Variants in DYNC2H1 observed in about 807,000 individuals in gnomAD.
DYNC2H1 encodes the protein dynein cytoplasmic 2 heavy chain 1.
In DYNC2H1, 410 loss-of-function variants were observed where a neutral mutation model predicts 570.0. The observed-to-expected ratio is 0.72, with a 90% confidence interval of 0.66 to 0.78. The LOEUF is 0.78. DYNC2H1 is among the 30% of genes least tolerant of loss of function. The pLI, the probability that DYNC2H1 is intolerant of heterozygous loss-of-function variation, is 0.00. For synonymous variants in DYNC2H1, 1,688 were observed against 1,677.6 expected, an observed-to-expected ratio of 1.01 and a Z score of -0.15; for missense variants, 4,865 against 5,046.4, an observed-to-expected ratio of 0.96 and a Z score of 1.09.
intron 82 of DYNC2H1, among the ~76,000 whole-genome samples, chr11:103,343,617 A>G (rs909384523): frequency 2.0e-5 from 3 of 152,176 alleles, no homozygotes; most frequent in Non-Finnish European, 1.5e-5. Context: ...TCCTATTCAT[A>G]TGACGAGAAG....
At chr11:103,172,432 C>T (rs568705236) in intron 34 of DYNC2H1, among the ~76,000 whole-genome samples, 50 of 152,186 alleles carry the variant, frequency 3.3e-4, no homozygotes, top group African/African-American at 1.2e-3. Context: ...AAAACATAAA[C>T]AAACCTTCCC....
In DYNC2H1 at chr11:103,179,299, A is replaced by G. The variant is rs632672; in HGVS notation, c.6347+66A>G. ...CTTTTACTGTCCTGGTTTCATATTA[A>G]GTAAAATAAGTGTAGTGTGAATAAT... On this transcript the variant is annotated intron_variant, in intron 39 of 88. Transcript: ENST00000375735. 0.73 allele frequency: 1,045,446 copies of G among 1,439,786 alleles called. 381,372 individuals carry two copies. Among genetic ancestry groups the G allele is most frequent in the Admixed American group, 0.8 (43,235 of 54,304 alleles). The allele number at this position is 1,439,786 out of a possible 1,614,324, so 89.2% of individuals were successfully genotyped here.
In DYNC2H1 at chr11:103,184,890, C is replaced by T. The variant is rs114254215; in HGVS notation, c.6478-6C>T. 3,176 of 1,609,222 alleles carry T rather than the reference C, an allele frequency of 2.0e-3. 48 individuals are homozygous for T. In the African/African-American group the frequency reaches 0.037, roughly 19 times the overall value. ...GTCTGTTTGTATCACGGATTTTAAT[C>T]AACAGAATGACTATGTGGTAGAAAC... On this transcript the variant is annotated splice_region_variant and splice_polypyrimidine_tract_variant and intron_variant, in intron 40 of 88. Transcript: ENST00000375735.
chr11:103,219,665 T>C (rs1367478387), intron 55 of DYNC2H1, among the ~76,000 whole-genome samples: 2 of 152,172 alleles, frequency 1.3e-5, no homozygotes, highest in East Asian at 1.9e-4. Flanking sequence ...TTAAATTTTA[T>C]ATAAAAAGCA....
Position 103,400,828 on chromosome 11 carries a change from G to T in DYNC2H1, c.12366+956G>T, listed in dbSNP as rs78216723. Among the ~76,000 whole-genome samples the T allele has an allele frequency of 2.6e-5, 4 of 152,162 alleles. No homozygotes were observed. The East Asian group carries it at 7.7e-4, about 29-fold the overall frequency. On this transcript the variant is annotated intron_variant, in intron 84 of 88. Coordinates refer to ENST00000375735, the MANE Select transcript of DYNC2H1 (RefSeq NM_001377.3). ...AGTGCTTTTCTACATATACAGAAAG[G>T]TCTACTCTGGCATCCTTGTCTTCTT...
At chr11:103,412,749 C>CT (rs1185291267) in intron 84 of DYNC2H1, among the ~76,000 whole-genome samples, 1 of 152,160 alleles carries the variant, frequency 6.6e-6, no homozygotes, top group Non-Finnish European at 1.5e-5. Flanking sequence ...TTTTTGATCA[C>CT]TGACCACCTT....
intron 82 of DYNC2H1, among the ~76,000 whole-genome samples, chr11:103,343,309 G>C (rs1314268194): frequency 6.6e-6 from 1 of 152,058 alleles, no homozygotes; most frequent in East Asian, 1.9e-4. Flanking sequence ...GGGTCCTAAC[G>C]CCTGTCAGAC....
At chr11:103,468,831 A>G in intron 88 of DYNC2H1, 126 bp downstream of exon 88, 1 of 660,382 alleles carries the variant, frequency 1.5e-6, no homozygotes, top group Non-Finnish European at 2.5e-6. Flanking sequence ...CATTTGAACA[A>G]ATTTGCAGTC....
chr11:103,213,601 A>G (rs1371078950), intron 54 of DYNC2H1, among the ~76,000 whole-genome samples: 1 of 144,988 alleles, frequency 6.9e-6, no homozygotes, highest in African/African-American at 2.5e-5. Context: ...ATTTTTTCAT[A>G]TACCGTTGGC....
In DYNC2H1 at chr11:103,303,243, G is replaced by A; in HGVS notation, c.11246G>A (p.Cys3749Tyr). ...GCTAATGCTGAAAGAAGCGGAGAGT[G>A]TTATCACCAGGTAAGTACATATTGT... Reference protein sequence around the residue: ...ELANAERSGECYHQVAMGQGQ... With the variant: ...ELANAERSGEYYHQVAMGQGQ... The change falls in exon 76 of 89, where the codon TGT becomes TAT. Residue 3749 changes from cysteine to tyrosine, a missense_variant. Around this residue, in one of 5 missense-constraint regions of DYNC2H1, gnomAD observed 2,401 missense variants for 2,454.6 expected, o/e 0.98. Transcript: ENST00000375735. 6.2e-7 allele frequency: 1 copy of A among 1,611,848 alleles called. No individual in the cohort carries two copies. The highest frequency in any genetic ancestry group is 1.3e-5 in the African/African-American group (1 of 74,930).
chr11:103,464,039 G>T (rs1217602807), intron 87 of DYNC2H1, among the ~76,000 whole-genome samples: 2 of 151,890 alleles, frequency 1.3e-5, no homozygotes, highest in Non-Finnish European at 2.9e-5. Flanking sequence ...AAAATCCAAA[G>T]TAAATGGGAA....
chr11:103,170,973 G>C lies in DYNC2H1; in HGVS notation c.5239G>C (p.Glu1747Gln). 2 of 1,609,976 alleles carry C rather than the reference G, an allele frequency of 1.2e-6. No individual in the cohort carries two copies. The highest frequency in any genetic ancestry group is 1.7e-6 in the Non-Finnish European group (2 of 1,177,478). Residue 1747 changes from glutamate (E) to glutamine (Q), a missense_variant, in exon 34 of 89, where the codon GAA (glutamate) becomes CAA (glutamine). By Grantham distance (29) the Glu-to-Gln change is conservative (BLOSUM62 2). Around this residue, in one of 5 missense-constraint regions of DYNC2H1, gnomAD observed 292 missense variants for 300.2 expected, o/e 0.97. Transcript: ENST00000375735. This position sits in a 1 kb window ranked among gnomAD's most constrained non-coding sequence, Gnocchi z 4.8. ...TTGTTTTGATGAATTTAATAGGCTG[G>C]AAGAATCTGTACTGTCAGCAGTTTC... is the stretch of plus-strand genomic sequence containing the variant. The part of the protein sequence containing the change: ...WGCFDEFNRL[E>Q]ESVLSAVSMQ...
chr11:103,315,950 CTTATT>C (rs1011316806), intron 79 of DYNC2H1, among the ~76,000 whole-genome samples: 1 of 151,846 alleles, frequency 6.6e-6, no homozygotes, highest in African/African-American at 2.4e-5. Context: ...TTAATTTGAA[CTTATT>C]TTATTACTTA....
rs932993254 is a variant in DYNC2H1 at position 103,158,922 on chromosome 11, G to A, written c.4273G>A (p.Ala1425Thr). The stretch of plus-strand genomic sequence containing the variant: ...CTATTTTTATTAGGAAAAACGCTCA[G>A]CATTCCCAAGATTTTATTTTATTGG... ...LNEFLEEKRS[A>T]FPRFYFIGDD... Residue 1425 changes from alanine (A) to threonine (T), a missense_variant, in exon 28 of 89, where the codon GCA becomes ACA. By Grantham distance (58) the Ala-to-Thr change is moderately conservative. Around this residue, in one of 5 missense-constraint regions of DYNC2H1, gnomAD observed 1,936 missense variants for 1,962.1 expected, o/e 0.99. Transcript: ENST00000375735. The A allele has an allele frequency of 6.2e-7, 1 of 1,608,904 alleles. No homozygotes were observed. Among genetic ancestry groups the A allele is most frequent in the East Asian group, 2.2e-5 (1 of 44,798 alleles).
At chr11:103,169,306 A>G (rs1861470695) in intron 32 of DYNC2H1, among the ~76,000 whole-genome samples, 1 of 152,138 alleles carries the variant, frequency 6.6e-6, no homozygotes, top group Non-Finnish European at 1.5e-5. Context: ...TCCTTATACA[A>G]GGCAAAAATT....
intron 28 of DYNC2H1, among the ~76,000 whole-genome samples, chr11:103,160,076 G>T (rs1861023366): frequency 6.6e-6 from 1 of 152,028 alleles, no homozygotes. Context: ...TTTGGGCAAT[G>T]GGAAGTAGTA....
chr11:103,318,133 T>TA, intron 80 of DYNC2H1, among the ~76,000 whole-genome samples: 1 of 152,122 alleles, frequency 6.6e-6, no homozygotes, highest in Non-Finnish European at 1.5e-5. Context: ...TTTTAAAGTT[T>TA]AAAAAAACCT....
In DYNC2H1 at chr11:103,143,272, G is replaced by A; in HGVS notation, c.2579G>A (p.Trp860Ter). Residue 860 changes from tryptophan (W) to a stop codon, truncating the protein, a stop_gained, in exon 18 of 89, where the codon TGG becomes TAG. Transcript: ENST00000375735. LOFTEE classifies it high-confidence loss of function. ...ATTTTTTCTTTCTTTAAATAGGAAT[G>A]GATTGTAATTGGGCAAGTTGATATG... ...LSAVLHQHKE[W>*]IVIGQVDMEA... is the part of the protein sequence containing the mutation. 10 of 1,612,798 alleles carry A rather than the reference G, an allele frequency of 6.2e-6. No individual in the cohort carries two copies. Among genetic ancestry groups the A allele is most frequent in the Non-Finnish European group, 7.6e-6 (9 of 1,179,306 alleles).
Position 103,220,636 on chromosome 11 carries a change from A to C in DYNC2H1, c.8960A>C (p.Glu2987Ala), listed in dbSNP as rs371429514. ...TTTCTCTTTTAGCCTTTAGTCAATG[A>C]AGCTAAACTAGCAGTTGGAAACATT... is the stretch of plus-strand genomic sequence containing the variant. Reference protein sequence around the residue: ...ELKEVQPLVNEAKLAVGNIKP... With the variant: ...ELKEVQPLVNAAKLAVGNIKP... The change falls in exon 57 of 89, where the codon GAA (glutamate) becomes GCA (alanine). Residue 2987 changes from glutamate to alanine, a missense_variant. By Grantham distance (107) the Glu-to-Ala change is moderately radical. Around this residue, in one of 5 missense-constraint regions of DYNC2H1, gnomAD observed 2,401 missense variants for 2,454.6 expected, o/e 0.98. Coordinates refer to ENST00000375735, the MANE Select transcript of DYNC2H1 (RefSeq NM_001377.3). The C allele has an allele frequency of 4.4e-6, 7 of 1,606,492 alleles. No homozygotes were observed. The African/African-American group carries it at 9.3e-5, about 21-fold the overall frequency.
Sources: gnomAD v4.1 joint callset for allele counts (sites outside exome capture counted in the v4.1 genomes callset) on GRCh38, gnomAD v4.1.1 for gene constraint, gnomAD v4.1.1 regional missense constraint, Gnocchi (gnomAD v3.1) non-coding constraint, MANE v1.5 for transcripts, NCBI Gene and HGNC (gene_info 2026-07-23, HGNC 2026-07-21) for gene names.